TOX: variants seen among roughly 807,000 people sequenced by gnomAD.
The protein encoded by TOX is thymocyte selection-associated high mobility group box protein TOX.
In TOX, 11 loss-of-function variants were observed where a neutral mutation model predicts 53.7. The observed-to-expected ratio is 0.20, with a 90% CI of 0.13 to 0.34. The LOEUF is 0.34. Ranked by LOEUF, TOX falls within the 10% of genes least tolerant of loss-of-function variation. The probability of loss-of-function intolerance (pLI) is 1.00; values close to 1 mark genes in which losing one functional copy is unlikely to be tolerated. For missense variants in TOX, 570 were observed against 664.6 expected (o/e 0.86, Z 1.56); for synonymous variants, 225 against 245.3 (o/e 0.92, Z 0.77).
intron 1 of TOX, among the ~76,000 whole-genome samples, chr8:58,999,713 C>G (rs577231133): frequency 6.6e-6 from 1 of 152,034 alleles, no homozygotes; most frequent in Non-Finnish European, 1.5e-5. Context: ...CGGAGTGGCA[C>G]GGCGATCTCT....
At chr8:58,854,920 A>C (rs1490089905) in intron 3 of TOX, among the ~76,000 whole-genome samples, 2 of 152,214 alleles carry the variant, frequency 1.3e-5, no homozygotes, top group Non-Finnish European at 2.9e-5. Flanking sequence ...TACTGAAAAT[A>C]TGAATAATTA....
rs769921017 is a variant in TOX, at chr8:58,851,628, C to T, written c.589G>A (p.Gly197Arg). Residue 197 changes from glycine to arginine, a missense_variant, in exon 4 of 9, where the codon GGA becomes AGA. Physicochemically the swap from Gly to Arg is moderately radical, Grantham distance 125. Around this residue, in one of 3 missense-constraint regions of TOX, gnomAD observed 282 missense variants for 315.0 expected, o/e 0.90. Coordinates refer to ENST00000361421, the MANE Select transcript of TOX (RefSeq NM_014729.3). The surrounding 1 kb of genome is among the most constrained non-coding windows in gnomAD (Gnocchi z 4.4). ...LSAQLGLNMG[G>R]SNVPHNSPSP... is the part of the protein sequence containing the mutation. ...GGTGAGTTGTGGGGAACATTGCTTC[C>T]TCCCATATTCAAACCAAGTTGAGCA... 1.9e-6 allele frequency: 3 copies of T among 1,613,466 alleles called. No individual in the cohort carries two copies. Among genetic ancestry groups the T allele is most frequent in the African/African-American group, 2.7e-5 (2 of 74,846 alleles).
chr8:59,085,374 A>G (rs1197620401), intron 1 of TOX, among the ~76,000 whole-genome samples: 1 of 147,580 alleles, frequency 6.8e-6, no homozygotes, highest in African/African-American at 2.7e-5. Flanking sequence ...CTGAAATCAT[A>G]ATTTTCTTTT....
At chr8:58,826,742 C>G in intron 6 of TOX, 80 bp downstream of exon 6, 2 of 1,227,346 alleles carry the variant, frequency 1.6e-6, no homozygotes, top group Non-Finnish European at 2.3e-6. Context: ...TTAAAGTGAT[C>G]TTTTATGCCT....
chr8:59,022,508 C>T (rs1192459326), intron 1 of TOX, among the ~76,000 whole-genome samples: 2 of 152,168 alleles, frequency 1.3e-5, no homozygotes, highest in African/African-American at 4.8e-5. Context: ...GATTTAAACC[C>T]ATGCACATTC....
At chr8:58,926,609 C>A (rs577346159) in intron 3 of TOX, among the ~76,000 whole-genome samples, 3 of 152,104 alleles carry the variant, frequency 2.0e-5, no homozygotes, top group African/African-American at 7.2e-5. Flanking sequence ...AATTTTAGAC[C>A]TACTATTCTT....
chr8:59,008,895 C>CT (rs1177329705), intron 1 of TOX, among the ~76,000 whole-genome samples: 1 of 152,198 alleles, frequency 6.6e-6, no homozygotes, highest in East Asian at 1.9e-4. Flanking sequence ...CTATAAACCA[C>CT]TTTTTTCGAT....
Position 58,851,162 on chromosome 8 carries a change from C to G in TOX, c.693+362G>C, listed in dbSNP as rs1459749559. On this transcript the variant is annotated intron_variant, in intron 4 of 8. Transcript: ENST00000361421. This position sits in a 1 kb window ranked among gnomAD's most constrained non-coding sequence, Gnocchi z 4.4. ...ATACATCTCCTCTCTCTCTCTGTCT[C>G]TCTCTCTCTCTCTCTCTCTCTCTCA... is the stretch of plus-strand genomic sequence containing the variant. Among the ~76,000 whole-genome samples, 1 of 131,826 alleles carries G rather than the reference C, an allele frequency of 7.6e-6. No individual in the cohort carries two copies. Among genetic ancestry groups the G allele is most frequent in the Non-Finnish European group, 1.6e-5 (1 of 62,372 alleles). The allele number at this position is 131,826 out of a possible 152,430, so 86.5% of individuals were successfully genotyped here. A position where few individuals can be genotyped will look rare whatever the true frequency, so the allele number is the denominator to read the frequency against.
chr8:58,896,775 G>A lies in TOX; in HGVS notation c.411+42527C>T, dbSNP rs556311769. Among the ~76,000 whole-genome samples, 9 of 152,152 alleles carry A rather than the reference G, an allele frequency of 5.9e-5. No homozygotes were observed. The South Asian group carries it at 1.5e-3, about 25-fold the overall frequency. On this transcript the variant is annotated intron_variant, in intron 3 of 8. Coordinates refer to ENST00000361421, the MANE Select transcript of TOX (RefSeq NM_014729.3). ...ATTTCAGTACTTTAGTCTATCCAAG[G>A]TGCTGGGTTTAGTCCTATTACCCTG...
At chr8:58,993,953 T>C (rs1467769606) in intron 1 of TOX, among the ~76,000 whole-genome samples, 1 of 149,644 alleles carries the variant, frequency 6.7e-6, no homozygotes, top group Non-Finnish European at 1.5e-5. Context: ...ACGTTGTGAA[T>C]TGGTCTACCT....
At chr8:59,017,984 C>T (rs1367354081) in intron 1 of TOX, among the ~76,000 whole-genome samples, 3 of 152,076 alleles carry the variant, frequency 2.0e-5, no homozygotes. Flanking sequence ...TACCAACAAC[C>T]CCAATGGCAA....
intron 1 of TOX, among the ~76,000 whole-genome samples, chr8:58,994,419 T>TGTGTGTGTGC (rs527361544): frequency 1.6e-4 from 22 of 141,202 alleles, no homozygotes; most frequent in African/African-American, 3.7e-4. Flanking sequence ...TGTGTGTGTG[T>TGTGTGTGTGC]GCGCGCGCGC....
At chr8:58,837,619 C>A (rs991524290) in intron 5 of TOX, among the ~76,000 whole-genome samples, 1 of 152,178 alleles carries the variant, frequency 6.6e-6, no homozygotes, top group Non-Finnish European at 1.5e-5. Flanking sequence ...TGAATAACAG[C>A]CCCTGGCGGT....
intron 1 of TOX, among the ~76,000 whole-genome samples, chr8:59,112,826 A>G (rs1232159948): frequency 6.6e-6 from 1 of 152,166 alleles, no homozygotes; most frequent in Non-Finnish European, 1.5e-5. Flanking sequence ...TAAAAGTATG[A>G]ATTTTATATT....
intron 3 of TOX, among the ~76,000 whole-genome samples, chr8:58,933,149 C>T (rs542589353): frequency 2.6e-5 from 4 of 152,284 alleles, no homozygotes; most frequent in Non-Finnish European, 5.9e-5. Flanking sequence ...CATTCTAAAA[C>T]TTTGCACGGT....
At chr8:59,092,264 T>TATATATATATATATATA (rs1174716509) in intron 1 of TOX, among the ~76,000 whole-genome samples, 1 of 51,888 alleles carries the variant, frequency 1.9e-5, no homozygotes, top group African/African-American at 1.9e-4. Context: ...ATATATATAT[T>TATATATATATATATATA]TTATATATAT....
chr8:58,998,527 A>AAAAATT (rs1256370779), intron 1 of TOX, among the ~76,000 whole-genome samples: 1 of 40,224 alleles, frequency 2.5e-5, no homozygotes, highest in Admixed American at 3.1e-4. Flanking sequence ...ATATATATAT[A>AAAAATT]TATATATATA....
chr8:59,009,706 A>G (rs974558148), intron 1 of TOX, among the ~76,000 whole-genome samples: 1 of 151,944 alleles, frequency 6.6e-6, no homozygotes, highest in Non-Finnish European at 1.5e-5. Context: ...TCTCTTCCAC[A>G]TTCTATGTTT....
chr8:59,041,078 G>A (rs1803580249), intron 1 of TOX, among the ~76,000 whole-genome samples: 1 of 91,626 alleles, frequency 1.1e-5, no homozygotes, highest in South Asian at 4.8e-4. Context: ...GACTCCGTGT[G>A]TGTGTGTGTG....
Sources: allele counts gnomAD v4.1 joint callset (sites outside exome capture counted in the v4.1 genomes callset), GRCh38; gene constraint gnomAD v4.1.1; regional missense constraint gnomAD v4.1.1; non-coding constraint Gnocchi (gnomAD v3.1); transcripts MANE v1.5; gene names NCBI Gene and HGNC (gene_info 2026-07-23, HGNC 2026-07-21).